Variants in LRRC4C observed in about 807,000 individuals in gnomAD.
LRRC4C encodes leucine-rich repeat-containing protein 4C.
Under a neutral mutation model 33.6 loss-of-function variants are expected in LRRC4C, and 5 were observed. The ratio of observed to expected loss-of-function variants is 0.15; its 90% CI spans 0.08 to 0.31. The LOEUF is 0.31. LRRC4C is among the 10% of genes least tolerant of loss of function. LRRC4C has a pLI of 1.00. For missense variants in LRRC4C, 560 were observed against 796.7 expected, an observed-to-expected ratio of 0.70 and a Z score of 3.58; for synonymous variants, 329 against 302.0, an observed-to-expected ratio of 1.09 and a Z score of -0.93.
intron 2 of LRRC4C, among the ~76,000 whole-genome samples, chr11:40,741,699 G>A (rs1326071141): frequency 2.0e-5 from 3 of 151,932 alleles, no homozygotes; most frequent in African/African-American, 7.2e-5. Flanking sequence ...CAAAATTTTA[G>A]CTTTGCCTCT....
intron 1 of LRRC4C, among the ~76,000 whole-genome samples, chr11:41,073,912 A>G (rs1938909677): frequency 6.6e-6 from 1 of 152,206 alleles, no homozygotes; most frequent in Non-Finnish European, 1.5e-5. Flanking sequence ...TTTTTCCAAC[A>G]TACATAATCA....
At chr11:40,806,188 A>C (rs1020435556) in intron 2 of LRRC4C, among the ~76,000 whole-genome samples, 1 of 152,226 alleles carries the variant, frequency 6.6e-6, no homozygotes, top group Non-Finnish European at 1.5e-5. Context: ...AATTTAGGCC[A>C]CTTGAAGGCT....
chr11:41,445,697 C>T (rs564264739), intron 1 of LRRC4C, among the ~76,000 whole-genome samples: 2 of 152,040 alleles, frequency 1.3e-5, no homozygotes, highest in African/African-American at 2.4e-5. Flanking sequence ...ATCTGTAATA[C>T]GTGAACAATA....
At chr11:40,862,134 A>C (rs573728787) in intron 2 of LRRC4C, among the ~76,000 whole-genome samples, 8 of 152,338 alleles carry the variant, frequency 5.3e-5, no homozygotes, top group African/African-American at 1.4e-4. Flanking sequence ...TTCAGGTTAC[A>C]TCTGAGTTAC....
At position 40,551,310 on chromosome 11, in the gene LRRC4C, AT is replaced by A. The variant is rs550121116; in HGVS notation, c.-270+96831del. Among the ~76,000 whole-genome samples the A allele has an allele frequency of 1.1e-4, 16 of 151,464 alleles. No homozygotes were observed. In the South Asian group the frequency reaches 3.4e-3, roughly 32 times the overall value. On this transcript the variant is annotated intron_variant, in intron 3 of 6. Coordinates refer to ENST00000528697, the MANE Select transcript of LRRC4C (RefSeq NM_001258419.2). The stretch of plus-strand genomic sequence containing the variant: ...TTCACTCCTAACATTTCATTTGCTC[AT>A]TTGTTAAATGAGGTGGTTGCATGAG...
chr11:40,896,958 G>A (rs533331699), intron 2 of LRRC4C, among the ~76,000 whole-genome samples: 1 of 152,204 alleles, frequency 6.6e-6, no homozygotes, highest in East Asian at 1.9e-4. Context: ...AATATCTAAA[G>A]TACTAGGAGA....
At chr11:41,349,445 G>C (rs1951902313) in intron 1 of LRRC4C, among the ~76,000 whole-genome samples, 1 of 151,850 alleles carries the variant, frequency 6.6e-6, no homozygotes, top group Non-Finnish European at 1.5e-5. Flanking sequence ...TAAACTTAAG[G>C]GGCTGGAGGA....
chr11:41,260,954 G>C (rs189917382), intron 1 of LRRC4C, among the ~76,000 whole-genome samples: 3 of 152,162 alleles, frequency 2.0e-5, no homozygotes, highest in South Asian at 2.1e-4. Context: ...TTCTTAGGCA[G>C]TATATTGGGT....
chr11:41,194,381 T>C (rs1946092853), intron 1 of LRRC4C, among the ~76,000 whole-genome samples: 1 of 152,148 alleles, frequency 6.6e-6, no homozygotes, highest in Non-Finnish European at 1.5e-5. Context: ...AAACTCATGA[T>C]TGTCTCCTGG....
rs190196021 is a variant in LRRC4C at position 40,704,165 on chromosome 11, G to C, written c.-406-55887C>G. On this transcript the variant is annotated intron_variant, in intron 2 of 6. Coordinates refer to ENST00000528697, the MANE Select transcript of LRRC4C (RefSeq NM_001258419.2). ...TATTAGGTATTATAAGTAATATGCA[G>C]ATGATTTAAAGTCTATGAATGAATA... 8.1e-4 allele frequency among the ~76,000 whole-genome samples: 123 copies of C among 152,266 alleles called. 1 individual carries two copies. The highest frequency in any genetic ancestry group is 2.9e-3 in the African/African-American group (121 of 41,554).
At chr11:41,364,386 C>T (rs1189620491) in intron 1 of LRRC4C, among the ~76,000 whole-genome samples, 2 of 152,134 alleles carry the variant, frequency 1.3e-5, no homozygotes, top group Non-Finnish European at 2.9e-5. Flanking sequence ...TCAAGCGATT[C>T]TCCTGCCTCA....
intron 2 of LRRC4C, among the ~76,000 whole-genome samples, chr11:40,812,841 C>A (rs1225095173): frequency 2.6e-5 from 4 of 152,022 alleles, no homozygotes; most frequent in Non-Finnish European, 4.4e-5. Context: ...GTTTATAACA[C>A]ATCTGCAAAA....
chr11:40,789,839 C>T (rs548507968), intron 2 of LRRC4C, among the ~76,000 whole-genome samples: 171 of 152,236 alleles, frequency 1.1e-3, no homozygotes, highest in Non-Finnish European at 2.2e-3. Context: ...CCAAGTGTTA[C>T]AGCACATAAT....
chr11:40,870,418 T>C (rs1005376928), intron 2 of LRRC4C, among the ~76,000 whole-genome samples: 2 of 152,124 alleles, frequency 1.3e-5, no homozygotes, highest in African/African-American at 4.8e-5. Flanking sequence ...CTATTTTGAA[T>C]ACAAGTTCAA....
chr11:41,269,602 T>C (rs967067334), intron 1 of LRRC4C, among the ~76,000 whole-genome samples: 8 of 152,008 alleles, frequency 5.3e-5, no homozygotes, highest in Non-Finnish European at 8.8e-5. Flanking sequence ...AGAGGGAAGA[T>C]GACACGGTCG....
chr11:41,116,504 G>T (rs947281775), intron 1 of LRRC4C, among the ~76,000 whole-genome samples: 1 of 152,088 alleles, frequency 6.6e-6, no homozygotes, highest in Non-Finnish European at 1.5e-5. Flanking sequence ...GTTGCAGGAA[G>T]GCTGGTGGAA....
At chr11:41,128,347 A>G (rs1942849331) in intron 1 of LRRC4C, among the ~76,000 whole-genome samples, 1 of 152,128 alleles carries the variant, frequency 6.6e-6, no homozygotes, top group Non-Finnish European at 1.5e-5. Flanking sequence ...TAATATGATG[A>G]ATAGATTTTA....
intron 5 of LRRC4C, among the ~76,000 whole-genome samples, chr11:40,158,427 T>C (rs1565067972): frequency 6.6e-6 from 1 of 152,122 alleles, no homozygotes; most frequent in Non-Finnish European, 1.5e-5. Flanking sequence ...ATTTTAAAAA[T>C]TACATTTATC....
intron 5 of LRRC4C, among the ~76,000 whole-genome samples, chr11:40,231,946 T>C (rs1269578293): frequency 1.3e-5 from 2 of 152,194 alleles, no homozygotes; most frequent in Non-Finnish European, 1.5e-5. Flanking sequence ...AAGTTGTGTA[T>C]TTTTAATCAA....
Sources: gnomAD v4.1 joint callset for allele counts (sites outside exome capture counted in the v4.1 genomes callset) on GRCh38, gnomAD v4.1.1 for gene constraint, MANE v1.5 for transcripts, NCBI Gene and HGNC (gene_info 2026-07-23, HGNC 2026-07-21) for gene names.